TPPP: variants seen among roughly 807,000 people sequenced by gnomAD.
The protein encoded by TPPP is tubulin polymerization promoting protein, also known as tubulin polymerization-promoting protein.
TPPP carries 6 observed loss-of-function variants against 15.5 expected under a neutral mutation model. The ratio of observed to expected loss-of-function variants is 0.39; its 90% CI spans 0.21 to 0.77. The LOEUF is 0.77. Among genes scored for constraint, TPPP ranks in the 30% least tolerant of loss-of-function variants. The pLI is 0.42. For missense variants in TPPP, 269 were observed against 307.2 expected, an observed-to-expected ratio of 0.88 and a Z score of 0.93; for synonymous variants, 146 against 133.9, an observed-to-expected ratio of 1.09 and a Z score of -0.63.
intron 2 of TPPP, among the ~76,000 whole-genome samples, chr5:669,605 C>T (rs961859333): frequency 1.3e-5 from 2 of 152,184 alleles, no homozygotes; most frequent in Admixed American, 6.5e-5. Context: ...CTGAGGCACG[C>T]AGCCCTTTCT....
intron 2 of TPPP, among the ~76,000 whole-genome samples, chr5:666,366 G>C (rs1437606679): frequency 6.6e-6 from 1 of 152,248 alleles, no homozygotes; most frequent in Non-Finnish European, 1.5e-5. Context: ...GGGTGTGTGC[G>C]GGTCTGCACT....
chr5:666,365 C>T (rs934399056), intron 2 of TPPP, among the ~76,000 whole-genome samples: 4 of 152,240 alleles, frequency 2.6e-5, no homozygotes, highest in Admixed American at 6.5e-5. Context: ...AGGGTGTGTG[C>T]GGGTCTGCAC....
chr5:687,155 G>A (rs10475341), intron 1 of TPPP, among the ~76,000 whole-genome samples: 34,217 of 134,552 alleles, frequency 0.25, 4,525 homozygotes, highest in African/African-American at 0.41. Flanking sequence ...GGCAGGGAGC[G>A]TCCCACCAAG....
intron 2 of TPPP, 64 bp from the exon 3 acceptor site, chr5:666,187 T>C: frequency 6.4e-7 from 1 of 1,571,646 alleles, no homozygotes; most frequent in Non-Finnish European, 8.6e-7. Flanking sequence ...TCCCCACGCG[T>C]GGGTCTGAGC....
chr5:666,574 G>A (rs560324310), intron 2 of TPPP, among the ~76,000 whole-genome samples: 12 of 152,306 alleles, frequency 7.9e-5, no homozygotes, highest in African/African-American at 2.9e-4. Context: ...GCCGCCCCCG[G>A]ACACTTGGCA....
chr5:670,625 C>T (rs752886765), intron 2 of TPPP, among the ~76,000 whole-genome samples: 1 of 152,148 alleles, frequency 6.6e-6, no homozygotes, highest in African/African-American at 2.4e-5. Flanking sequence ...GGAGCCCTGT[C>T]TGGCATCGCC....
rs368443831 is a variant in TPPP at position 685,943 on chromosome 5, C to T, written c.-5+7335G>A. Among the ~76,000 whole-genome samples the T allele has an allele frequency of 3.9e-4, 60 of 152,296 alleles. 1 individual carries two copies. The East Asian group carries it at 4.6e-3, about 12-fold the overall frequency. On this transcript the variant is annotated intron_variant, in intron 1 of 3. Coordinates refer to ENST00000360578, the MANE Select transcript of TPPP (RefSeq NM_007030.3). ...TATGGCTGAGTATCCAGGCCACAGA[C>T]GCCGGGGCTGCCAGGGCCACCAACT...
In TPPP at chr5:662,320, C is replaced by G. The variant is rs1036731049; in HGVS notation, c.*2782G>C. The G allele has an allele frequency of 1.7e-4, 26 of 152,576 alleles. No individual in the cohort carries two copies. The highest frequency in any genetic ancestry group is 4.8e-4 in the African/African-American group (20 of 41,454). 9.5% of individuals were successfully genotyped at this position (152,576 alleles called of 1,614,324 possible). On this transcript the variant is annotated 3_prime_UTR_variant, in exon 4 of 4. Transcript: ENST00000360578. The stretch of plus-strand genomic sequence containing the variant: ...CGGAGGCTCTTCTCGTGCTCAGGGC[C>G]GGTTTCTGGTGTGCTCCCGATGCGC...
At chr5:672,791 C>T (rs1006004706) in intron 2 of TPPP, among the ~76,000 whole-genome samples, 4 of 152,240 alleles carry the variant, frequency 2.6e-5, no homozygotes, top group East Asian at 1.9e-4. Flanking sequence ...AAGCTGCCAC[C>T]GCACGCTCTT....
rs577338512 is a variant in TPPP at position 681,996 on chromosome 5, G to C, written c.-4-3932C>G. 2.0e-5 allele frequency among the ~76,000 whole-genome samples: 3 copies of C among 151,986 alleles called. No homozygotes were observed. The East Asian group carries it at 5.8e-4, about 30-fold the overall frequency. ...GGCCACCTTGGCCCCAACCCCACAG[G>C]CTGTCCCTGTTCCCAAGAGGCCCCA... is the stretch of plus-strand genomic sequence containing the variant. On this transcript the variant is annotated intron_variant, in intron 1 of 3. Transcript: ENST00000360578.
rs555557401 is a variant in TPPP at position 676,780 on chromosome 5, C to T, written c.311+970G>A. On this transcript the variant is annotated intron_variant, in intron 2 of 3. Transcript: ENST00000360578. ...TGACACGGCAACAGACGTGTGCACA[C>T]ATGACACAGAAACGCACGTGCACAT... Among the ~76,000 whole-genome samples, 11 of 152,306 alleles carry T rather than the reference C, an allele frequency of 7.2e-5. No individual in the cohort carries two copies. The South Asian group carries it at 2.3e-3, about 32-fold the overall frequency.
upstream of TPPP, among the ~76,000 whole-genome samples, chr5:693,592 C>A (rs1740958136): frequency 6.6e-6 from 1 of 151,716 alleles, no homozygotes; most frequent in South Asian, 2.1e-4. Flanking sequence ...ATCCGCTCAG[C>A]GCAGGGCGCG....
At chr5:691,907 TCAAGA>T (rs1300544817) in intron 1 of TPPP, among the ~76,000 whole-genome samples, 3 of 50,430 alleles carry the variant, frequency 5.9e-5, no homozygotes, top group Non-Finnish European at 1.0e-4. Context: ...CAAACCCCCA[TCAAGA>T]CAACAGCCCC....
chr5:699,723 G>A, the TPPP span, among the ~76,000 whole-genome samples: 2 of 151,172 alleles, frequency 1.3e-5, no homozygotes, highest in Admixed American at 6.6e-5. Context: ...ATCTGACAAA[G>A]GGCTAATATC....
At chr5:686,728 C>G (rs1314895863) in intron 1 of TPPP, among the ~76,000 whole-genome samples, 2 of 147,786 alleles carry the variant, frequency 1.4e-5, no homozygotes, top group Non-Finnish European at 3.0e-5. Context: ...AGAGAAGACA[C>G]AGAGAGAAGA....
chr5:693,680 G>C (rs1262723647), upstream of TPPP, among the ~76,000 whole-genome samples: 9 of 151,422 alleles, frequency 5.9e-5, no homozygotes, highest in African/African-American at 2.2e-4. Flanking sequence ...CCCCGGGGAC[G>C]ACCGGACCCC....
At chr5:698,167 C>T (rs548575845), upstream of TPPP, among the ~76,000 whole-genome samples, 3 of 151,158 alleles carry the variant, frequency 2.0e-5, no homozygotes, top group Non-Finnish European at 4.4e-5. Flanking sequence ...CATGCATCAA[C>T]ATAATAAAAG....
chr5:683,917 CT>C (rs2126909703), intron 1 of TPPP, among the ~76,000 whole-genome samples: 1 of 152,370 alleles, frequency 6.6e-6, no homozygotes, highest in Admixed American at 6.5e-5. Flanking sequence ...CCGCTGGGCT[CT>C]TCAGAACCTT....
chr5:675,462 A>T (rs139300010), intron 2 of TPPP, among the ~76,000 whole-genome samples: 1 of 35,522 alleles, frequency 2.8e-5, no homozygotes. Flanking sequence ...GGGGTGCAGC[A>T]CAGGGGGTGC....
Sources: gnomAD v4.1 joint callset for allele counts (sites outside exome capture counted in the v4.1 genomes callset) on GRCh38, gnomAD v4.1.1 for gene constraint, MANE v1.5 for transcripts, NCBI Gene and HGNC (gene_info 2026-07-23, HGNC 2026-07-21) for gene names.